PDE1A: variants seen among roughly 807,000 people sequenced by gnomAD.
PDE1A encodes dual specificity calcium/calmodulin-dependent 3',5'-cyclic nucleotide phosphodiesterase 1A.
A neutral mutation model predicts 61.7 loss-of-function variants in PDE1A; 35 were observed. The ratio of observed to expected loss-of-function variants is 0.57; its 90% CI spans 0.43 to 0.75. The LOEUF is 0.75. Ranked by LOEUF, PDE1A falls within the 30% of genes least tolerant of loss-of-function variation. The pLI, the probability that PDE1A is intolerant of heterozygous loss-of-function variation, is 0.00. For synonymous variants in PDE1A, 232 were observed against 213.2 expected (o/e 1.09, Z -0.77); for missense variants, 597 against 630.6 (o/e 0.95, Z 0.57).
At chr2:182,416,797 T>TA (rs1398362720) in intron 1 of PDE1A, among the ~76,000 whole-genome samples, 6 of 152,328 alleles carry the variant, frequency 3.9e-5, no homozygotes, top group Admixed American at 1.3e-4. Context: ...ATAGACTGTT[T>TA]AGGAAAATAT....
the PDE1A span, among the ~76,000 whole-genome samples, chr2:182,689,557 A>G: frequency 6.6e-6 from 1 of 152,356 alleles, no homozygotes; most frequent in East Asian, 1.9e-4. Context: ...ATAGCGCTAA[A>G]TGCCCACAAG....
At chr2:182,541,531 A>G in the PDE1A span, among the ~76,000 whole-genome samples, 1 of 152,130 alleles carries the variant, frequency 6.6e-6, no homozygotes, top group Admixed American at 6.6e-5. Context: ...TACATGTAAC[A>G]TGGTGACCAT....
chr2:182,704,422 A>G, the PDE1A span, among the ~76,000 whole-genome samples: 1 of 152,104 alleles, frequency 6.6e-6, no homozygotes, highest in Non-Finnish European at 1.5e-5. Flanking sequence ...AGATCCATGA[A>G]CTAAAAATAG....
In PDE1A at chr2:182,149,401, C is replaced by T. The variant is rs185211275; in HGVS notation, c.1517-2249G>A. On this transcript the variant is annotated intron_variant, in intron 13 of 13. Coordinates refer to the PDE1A transcript ENST00000409365. ...ATCCCCAAATGATACACATATTATACCCAATAATAATTCTGTACATGTGAT... is the reference window on the plus strand; with the variant it reads ...ATCCCCAAATGATACACATATTATATCCAATAATAATTCTGTACATGTGAT... Among the ~76,000 whole-genome samples, 28 of 152,150 alleles carry T rather than the reference C, an allele frequency of 1.8e-4. No homozygotes were observed. In the East Asian group the frequency reaches 4.8e-3, roughly 26 times the overall value.
intron 3 of PDE1A, among the ~76,000 whole-genome samples, chr2:182,237,441 G>A (rs1047478227): frequency 1.3e-5 from 2 of 152,154 alleles, no homozygotes; most frequent in African/African-American, 4.8e-5. Context: ...TCAAGCCACT[G>A]CACTCCAGCC....
At chr2:182,307,065 A>T (rs1695636720) in intron 1 of PDE1A, among the ~76,000 whole-genome samples, 1 of 152,208 alleles carries the variant, frequency 6.6e-6, no homozygotes, top group African/African-American at 2.4e-5. Context: ...AGTGGTTAAT[A>T]TGTATAATAT....
At chr2:182,282,937 G>A (rs1405140736) in intron 1 of PDE1A, among the ~76,000 whole-genome samples, 1 of 151,970 alleles carries the variant, frequency 6.6e-6, no homozygotes, top group Non-Finnish European at 1.5e-5. Context: ...TAGCCATACT[G>A]TTGAATCACA....
chr2:182,482,835 A>T (rs1687788050), intron 2 of PDE1A, among the ~76,000 whole-genome samples: 1 of 151,980 alleles, frequency 6.6e-6, no homozygotes, highest in South Asian at 2.1e-4. Flanking sequence ...AAACAGCAAC[A>T]TGACAGATTC....
intron 2 of PDE1A, among the ~76,000 whole-genome samples, chr2:182,467,927 A>G (rs1214138592): frequency 6.6e-6 from 1 of 152,034 alleles, no homozygotes; most frequent in East Asian, 1.9e-4. Context: ...TACACTCTAC[A>G]GTAATTTATT....
At chr2:182,667,162 T>C in the PDE1A span, among the ~76,000 whole-genome samples, 28 of 152,216 alleles carry the variant, frequency 1.8e-4, no homozygotes, top group Middle Eastern at 3.4e-3. Context: ...AGACCTGCAG[T>C]TTCTGTTTTA....
intron 2 of PDE1A, among the ~76,000 whole-genome samples, chr2:182,475,229 AGAT>A (rs1328999303): frequency 6.6e-6 from 1 of 151,938 alleles, no homozygotes; most frequent in Non-Finnish European, 1.5e-5. Flanking sequence ...AGCACTGTCA[AGAT>A]GAGACCTCAG....
At chr2:182,231,254 C>G in intron 4 of PDE1A, 123 bp from the exon 5 acceptor site, 1 of 658,646 alleles carries the variant, frequency 1.5e-6, no homozygotes, top group Non-Finnish European at 2.7e-6. Flanking sequence ...TCAAACTACA[C>G]TTTGACCAGA....
At position 182,217,854 on chromosome 2, in the gene PDE1A, AG is replaced by A. The variant is rs1362082092; in HGVS notation, c.776+6009del. ...AACTAGTTCAACCATTGTGGAATTCAGTGTGGAGATTCCTCAGGGATCTAGA... is the reference window on the plus strand; with the variant it reads ...AACTAGTTCAACCATTGTGGAATTCATGTGGAGATTCCTCAGGGATCTAGA... On this transcript the variant is annotated intron_variant, in intron 7 of 13. Coordinates refer to ENST00000351439, the Ensembl canonical transcript of PDE1A. Among the ~76,000 whole-genome samples, 7 of 152,082 alleles carry A rather than the reference AG, an allele frequency of 4.6e-5. No homozygotes were observed. In the South Asian group the frequency reaches 1.0e-3, roughly 23 times the overall value.
chr2:182,343,873 CTTTTTTT>C (rs11300978), intron 1 of PDE1A, among the ~76,000 whole-genome samples: 2 of 129,786 alleles, frequency 1.5e-5, no homozygotes, highest in Non-Finnish European at 3.4e-5. Flanking sequence ...TTTTCTTTTT[CTTTTTTT>C]TTTTTTGTTG....
At chr2:182,250,212 T>C (rs1326016691) in intron 2 of PDE1A, among the ~76,000 whole-genome samples, 1 of 152,216 alleles carries the variant, frequency 6.6e-6, no homozygotes, top group Non-Finnish European at 1.5e-5. Flanking sequence ...GAATTGATCT[T>C]AAAAAGTCTT....
At chr2:182,327,552 T>C (rs1697126393) in intron 1 of PDE1A, among the ~76,000 whole-genome samples, 1 of 152,130 alleles carries the variant, frequency 6.6e-6, no homozygotes, top group African/African-American at 2.4e-5. Context: ...ATGAGTGAGG[T>C]GAGGGTAGAA....
At chr2:182,693,890 G>A in the PDE1A span, among the ~76,000 whole-genome samples, 8 of 152,006 alleles carry the variant, frequency 5.3e-5, no homozygotes, top group South Asian at 6.2e-4. Flanking sequence ...CAAGTGATCC[G>A]CCCGCCTTAG....
At chr2:182,477,030 A>C (rs1007730213) in intron 2 of PDE1A, among the ~76,000 whole-genome samples, 2 of 151,922 alleles carry the variant, frequency 1.3e-5, no homozygotes, top group African/African-American at 4.8e-5. Flanking sequence ...TCTAATATTT[A>C]AATTCTGTTA....
At chr2:182,283,848 C>T (rs1274351843) in intron 1 of PDE1A, among the ~76,000 whole-genome samples, 1 of 152,178 alleles carries the variant, frequency 6.6e-6, no homozygotes, top group South Asian at 2.1e-4. Context: ...CTATGAAAAG[C>T]GTCATGGCTT....
Sources: gnomAD v4.1 joint callset for allele counts (sites outside exome capture counted in the v4.1 genomes callset) on GRCh38, gnomAD v4.1.1 for gene constraint, MANE v1.5 for transcripts, NCBI Gene and HGNC (gene_info 2026-07-23, HGNC 2026-07-21) for gene names.